LIPG: variants seen among roughly 807,000 people sequenced by gnomAD.
LIPG encodes the protein lipase G, endothelial type.
A neutral mutation model predicts 51.8 loss-of-function variants in LIPG; 34 were observed. That is an observed-to-expected ratio of 0.66 (90% confidence interval 0.50 to 0.87). The LOEUF (loss-of-function observed/expected upper bound fraction) is 0.87, where lower values mean the gene tolerates loss of function less well. Ranked by LOEUF, LIPG falls within the 40% of genes least tolerant of loss-of-function variation. The pLI is 0.00. For missense variants in LIPG, 580 were observed against 652.7 expected (o/e 0.89, Z 1.21); for synonymous variants, 246 against 246.1 (o/e 1.00, Z 0.00).
chr18:49,577,108 C>A (rs1349846685), intron 5 of LIPG, among the ~76,000 whole-genome samples: 1 of 145,260 alleles, frequency 6.9e-6, no homozygotes, highest in Non-Finnish European at 1.5e-5. Flanking sequence ...GAGGGAAGGT[C>A]AGCAGATAAA....
At position 49,581,541 on chromosome 18, in the gene LIPG, T is replaced by C. The variant is rs747134984; in HGVS notation, c.920T>C (p.Ile307Thr). The C allele has an allele frequency of 3.1e-6, 5 of 1,614,140 alleles. No individual in the cohort carries two copies. The highest frequency in any genetic ancestry group is 3.4e-6 in the Non-Finnish European group (4 of 1,180,032). Residue 307 changes from isoleucine to threonine, a missense_variant, in exon 6 of 10, where the codon ATC becomes ACC. Transcript: ENST00000261292. ...CTDSNRFKKG[I>T]CLSCRKNRCN... ...GACTCCAATCGCTTCAAAAAGGGGA[T>C]CTGTCTGAGCTGCCGCAAGAACCGT...
chr18:49,587,107 A>G (rs1040424699), intron 9 of LIPG, among the ~76,000 whole-genome samples: 4 of 25,710 alleles, frequency 1.6e-4, no homozygotes, highest in Middle Eastern at 0.071. Context: ...CATCTCTACT[A>G]AAAAAAAAAA....
intron 9 of LIPG, 44 bp downstream of exon 9, chr18:49,586,894 A>T: frequency 1.5e-6 from 2 of 1,366,452 alleles, no homozygotes; most frequent in Non-Finnish European, 2.1e-6. Flanking sequence ...ACACGTTGAC[A>T]TGATGATCTC....
At position 49,580,956 on chromosome 18, in the gene LIPG, A is replaced by G. The variant is rs2084812382; in HGVS notation, c.794-459A>G. Among the ~76,000 whole-genome samples the G allele has an allele frequency of 2.0e-5, 3 of 152,194 alleles. No individual in the cohort carries two copies. The South Asian group carries it at 6.2e-4, about 31-fold the overall frequency. On this transcript the variant is annotated intron_variant, in intron 5 of 9. Coordinates refer to ENST00000261292, the MANE Select transcript of LIPG (RefSeq NM_006033.4). ...TAATGGGAACCTAGCACCTTGCTGG[A>G]CATTAATGAAGCATTACACAGGTCG...
chr18:49,588,215 C>T (rs1413032950), intron 9 of LIPG, among the ~76,000 whole-genome samples: 3 of 151,704 alleles, frequency 2.0e-5, no homozygotes, highest in Non-Finnish European at 2.9e-5. Flanking sequence ...AAGAGAAGCA[C>T]AAAGCATGTT....
intron 5 of LIPG, among the ~76,000 whole-genome samples, chr18:49,578,059 C>T (rs1176650343): frequency 6.9e-5 from 10 of 144,490 alleles, no homozygotes; most frequent in South Asian, 2.2e-4. Flanking sequence ...CACGGCTGGC[C>T]GGGCGGGGGG....
chr18:49,580,463 T>A (rs1263106792), intron 5 of LIPG, among the ~76,000 whole-genome samples: 1 of 152,132 alleles, frequency 6.6e-6, no homozygotes, highest in East Asian at 1.9e-4. Context: ...GGGTGACTGT[T>A]CCAATAAAAC....
At chr18:49,577,036 T>TA (rs1373808024) in intron 5 of LIPG, among the ~76,000 whole-genome samples, 1 of 151,746 alleles carries the variant, frequency 6.6e-6, no homozygotes, top group Non-Finnish European at 1.5e-5. Flanking sequence ...ATTTTTTTTT[T>TA]ATTGATAATT....
Position 49,582,365 on chromosome 18 carries a change from A to T in LIPG, c.1040A>T (p.Tyr347Phe). Residue 347 changes from tyrosine to phenylalanine, a missense_variant, in exon 7 of 10, where the codon TAC (tyrosine) becomes TTC (phenylalanine). Coordinates refer to ENST00000261292, the MANE Select transcript of LIPG (RefSeq NM_006033.4). Reference sequence around the variant, plus strand: ...CTTTGTTCTGCTGTCACTGCAGTTTACCATTATCAGATGAAAATCCATGTC... The same window carrying T: ...CTTTGTTCTGCTGTCACTGCAGTTTTCCATTATCAGATGAAAATCCATGTC... Reference protein sequence around the residue: ...KTRAGMPFRVYHYQMKIHVFS... With the variant: ...KTRAGMPFRVFHYQMKIHVFS... The T allele has an allele frequency of 6.2e-7, 1 of 1,614,198 alleles. No homozygotes were observed. The highest frequency in any genetic ancestry group is 8.5e-7 in the Non-Finnish European group (1 of 1,180,046).
At chr18:49,587,180 A>G (rs1009592661) in intron 9 of LIPG, among the ~76,000 whole-genome samples, 1 of 151,690 alleles carries the variant, frequency 6.6e-6, no homozygotes, top group Admixed American at 6.6e-5. Context: ...AGGTTGAGGC[A>G]GGAAAATCAC....
At chr18:49,564,019 G>A (rs1450385774) in intron 1 of LIPG, among the ~76,000 whole-genome samples, 1 of 152,060 alleles carries the variant, frequency 6.6e-6, no homozygotes, top group Non-Finnish European at 1.5e-5. Context: ...TGCTGGTTGG[G>A]GCTTTTGTTC....
At chr18:49,586,651 C>A (rs368493162) in intron 8 of LIPG, 95 bp from the exon 9 acceptor site, 4 of 867,910 alleles carry the variant, frequency 4.6e-6, no homozygotes, top group Non-Finnish European at 3.9e-6. Flanking sequence ...GAAAATTTCA[C>A]CCCTGCCTCC....
chr18:49,574,789 T>C (rs2084698419), intron 4 of LIPG, among the ~76,000 whole-genome samples: 1 of 152,200 alleles, frequency 6.6e-6, no homozygotes, highest in African/African-American at 2.4e-5. Flanking sequence ...ATGTATGGAT[T>C]CTCAGTGTAT....
intron 8 of LIPG, among the ~76,000 whole-genome samples, chr18:49,584,575 CCCT>C (rs774730714): frequency 1.3e-5 from 2 of 152,204 alleles, no homozygotes; most frequent in Admixed American, 6.5e-5. Flanking sequence ...CCCTCTTTGT[CCCT>C]CCTCTGGCAT....
chr18:49,583,861 T>C lies in LIPG; in HGVS notation c.1376+87T>C, dbSNP rs1323092467. 7 of 1,201,714 alleles carry C rather than the reference T, an allele frequency of 5.8e-6. No homozygotes were observed. In the African/African-American group the frequency reaches 1.1e-4, roughly 18 times the overall value. 74.4% of individuals were successfully genotyped at this position (1,201,714 alleles called of 1,614,324 possible). ...GACATTTCCTTTCCTTTGCTGCATC[T>C]ACCCTCAATCCTTCCCTCCAGCATG... On this transcript the variant is annotated intron_variant, in intron 8 of 9. Coordinates refer to ENST00000261292, the MANE Select transcript of LIPG (RefSeq NM_006033.4).
intron 9 of LIPG, among the ~76,000 whole-genome samples, chr18:49,588,480 G>GCCATGTTGGCCAAGTTA (rs573785860): frequency 2.6e-5 from 4 of 151,830 alleles, no homozygotes; most frequent in African/African-American, 9.7e-5. Context: ...ATGGGTTTTC[G>GCCATGTTGGCCAAGTTA]CCATGTTGGC....
At position 49,581,633 on chromosome 18, in the gene LIPG, A is replaced by T. The variant is rs1281782802; in HGVS notation, c.1012A>T (p.Thr338Ser). The T allele has an allele frequency of 6.2e-7, 1 of 1,613,908 alleles. No homozygotes were observed. Among genetic ancestry groups the T allele is most frequent in the Admixed American group, 1.7e-5 (1 of 60,012 alleles). Reference protein sequence around the residue: ...NKRNSKMYLKTRAGMPFRVYH... With the variant: ...NKRNSKMYLKSRAGMPFRVYH... ...GAGGAACAGCAAAATGTACCTAAAA[A>T]CCCGGGCAGGCATGCCTTTCAGAGG... The change falls in exon 6 of 10, where the codon ACC (threonine) becomes TCC (serine). Residue 338 changes from threonine (T) to serine (S), a missense_variant. By Grantham distance (58) the Thr-to-Ser change is moderately conservative. Coordinates refer to ENST00000261292, the MANE Select transcript of LIPG (RefSeq NM_006033.4).
intron 6 of LIPG, 129 bp from the exon 7 acceptor site, chr18:49,582,233 G>C (rs144059409): frequency 2.4e-5 from 26 of 1,088,918 alleles, no homozygotes; most frequent in African/African-American, 2.3e-4. Context: ...GCAGATGGGG[G>C]CTGCAGGCTG....
intron 4 of LIPG, among the ~76,000 whole-genome samples, chr18:49,571,625 G>C (rs2084664565): frequency 6.6e-6 from 1 of 152,200 alleles, no homozygotes; most frequent in South Asian, 2.1e-4. Flanking sequence ...GTGTATGTCT[G>C]ATGGGGGAGG....
Sources: gnomAD v4.1 joint callset for allele counts (sites outside exome capture counted in the v4.1 genomes callset) on GRCh38, gnomAD v4.1.1 for gene constraint, MANE v1.5 for transcripts, NCBI Gene and HGNC (gene_info 2026-07-23, HGNC 2026-07-21) for gene names.